ZNF536: variants seen among roughly 807,000 people sequenced by gnomAD.
ZNF536 encodes zinc finger protein 536.
In ZNF536, 13 loss-of-function variants were observed where a neutral mutation model predicts 84.5. That is an observed-to-expected ratio of 0.15 (90% CI 0.10 to 0.24). The LOEUF (loss-of-function observed/expected upper bound fraction) is 0.24. Among genes scored for constraint, ZNF536 ranks in the 10% least tolerant of loss-of-function variants. The pLI, the probability that ZNF536 is intolerant of heterozygous loss-of-function variation, is 1.00. For missense variants in ZNF536, 1,536 were observed against 1,747.5 expected, an observed-to-expected ratio of 0.88 and a Z score of 2.16; for synonymous variants, 811 against 742.5, an observed-to-expected ratio of 1.09 and a Z score of -1.50.
chr19:30,383,705 T>G (rs374587266), intron 1 of ZNF536, among the ~76,000 whole-genome samples: 1 of 46,368 alleles, frequency 2.2e-5, no homozygotes, highest in African/African-American at 6.3e-5. Context: ...TTCTTTCTCT[T>G]TCTTTCTTTC....
intron 2 of ZNF536, among the ~76,000 whole-genome samples, chr19:30,514,523 G>A (rs991219450): frequency 3.3e-5 from 5 of 152,070 alleles, no homozygotes; most frequent in African/African-American, 4.8e-5. Context: ...AAGTAGAAGA[G>A]TGACCAGTAG....
chr19:30,703,305 T>C (rs758541686), intron 1 of ZNF536, among the ~76,000 whole-genome samples: 5 of 152,238 alleles, frequency 3.3e-5, no homozygotes, highest in Non-Finnish European at 5.9e-5. Context: ...GCTCAGAGGC[T>C]CAGATTCCTC....
At chr19:30,676,858 G>A (rs967291946) in intron 1 of ZNF536, among the ~76,000 whole-genome samples, 1 of 152,152 alleles carries the variant, frequency 6.6e-6, no homozygotes. Context: ...TTTCTTTTGA[G>A]ACAAGGGTGG....
At chr19:30,323,097 C>T (rs1419951800) in intron 2 of ZNF536, among the ~76,000 whole-genome samples, 1 of 151,944 alleles carries the variant, frequency 6.6e-6, no homozygotes, top group African/African-American at 2.4e-5. Context: ...CCATGATTTT[C>T]CTAATAAACC....
At chr19:30,487,656 A>G (rs1230015241) in intron 2 of ZNF536, among the ~76,000 whole-genome samples, 2 of 152,190 alleles carry the variant, frequency 1.3e-5, no homozygotes, top group African/African-American at 2.4e-5. Context: ...GCATGTTAAG[A>G]AGGTCAAACT....
intron 1 of ZNF536, among the ~76,000 whole-genome samples, chr19:30,384,098 C>CTT (rs1445807219): frequency 3.1e-4 from 27 of 86,564 alleles, no homozygotes; most frequent in Non-Finnish European, 5.7e-4. Flanking sequence ...CCACCTCTTT[C>CTT]TCTTTCTTTC....
chr19:30,445,653 G>C lies in ZNF536; in HGVS notation c.2091G>C (p.Glu697Asp), dbSNP rs544804864. ...CGGGCTCCTCTAACGTCACCGAGGA[G>C]AGCGGGGTCGGAGGCGGCCTCTCCC... is the stretch of plus-strand genomic sequence containing the variant. ...TTPGSSNVTE[E>D]SGVGGGLSQT... Residue 697 changes from glutamate (E) to aspartate (D), a missense_variant, in exon 2 of 5, where the codon GAG (glutamate) becomes GAC (aspartate). By Grantham distance (45) the Glu-to-Asp change is conservative. Around this residue, in one of 8 missense-constraint regions of ZNF536, gnomAD observed 148 missense variants for 205.4 expected, o/e 0.72. Coordinates refer to ENST00000355537, the MANE Select transcript of ZNF536 (RefSeq NM_014717.3). This position sits in a 1 kb window ranked among gnomAD's most constrained non-coding sequence, Gnocchi z 4.5. 95 of 1,611,544 alleles carry C rather than the reference G, an allele frequency of 5.9e-5. No individual in the cohort carries two copies. Among genetic ancestry groups the C allele is most frequent in the Admixed American group, 1.7e-4 (10 of 59,886 alleles).
intron 2 of ZNF536, among the ~76,000 whole-genome samples, chr19:30,340,073 C>T (rs1158280240): frequency 2.0e-5 from 3 of 152,162 alleles, no homozygotes; most frequent in Non-Finnish European, 4.4e-5. Flanking sequence ...TCTTCCCGCC[C>T]GTCCCAGCTC....
At chr19:30,338,504 A>ATGATGT (rs1475990061) in intron 2 of ZNF536, among the ~76,000 whole-genome samples, 1 of 151,748 alleles carries the variant, frequency 6.6e-6, no homozygotes, top group African/African-American at 2.4e-5. Context: ...GATGATGATG[A>ATGATGT]TGATGATGAT....
intron 1 of ZNF536, among the ~76,000 whole-genome samples, chr19:30,246,396 A>G (rs2024277573): frequency 6.6e-6 from 1 of 152,234 alleles, no homozygotes; most frequent in Non-Finnish European, 1.5e-5. Flanking sequence ...TCTGTCTCAT[A>G]GAATCCTTCT....
At chr19:30,651,196 T>A (rs2049689891) in intron 1 of ZNF536, among the ~76,000 whole-genome samples, 1 of 152,118 alleles carries the variant, frequency 6.6e-6, no homozygotes, top group East Asian at 1.9e-4. Flanking sequence ...CCACCTTCAC[T>A]CCACAGGTAC....
At chr19:30,414,649 C>G (rs959278275) in intron 1 of ZNF536, among the ~76,000 whole-genome samples, 2 of 152,146 alleles carry the variant, frequency 1.3e-5, no homozygotes, top group African/African-American at 4.8e-5. Flanking sequence ...GCCCCATGTC[C>G]TTTGCCTTTC....
At position 30,604,817 on chromosome 19, in the gene ZNF536, A is replaced by C. The variant is rs572817534; in HGVS notation, c.169+55303A>C. Reference sequence around the variant, plus strand: ...GGGCGAGTGACTGGCCTGAGGTTGCACAGCAAGCTCGGGGCAGAGTCAGGA... The same window carrying C: ...GGGCGAGTGACTGGCCTGAGGTTGCCCAGCAAGCTCGGGGCAGAGTCAGGA... On this transcript the variant is annotated intron_variant, in intron 1 of 1. Coordinates refer to the ZNF536 transcript ENST00000592773. Among the ~76,000 whole-genome samples, 35 of 152,302 alleles carry C rather than the reference A, an allele frequency of 2.3e-4. 2 individuals carry two copies. In the South Asian group the frequency reaches 7.3e-3, roughly 32 times the overall value.
chr19:30,649,502 T>C (rs892818240), intron 1 of ZNF536, among the ~76,000 whole-genome samples: 4 of 152,220 alleles, frequency 2.6e-5, no homozygotes, highest in African/African-American at 9.6e-5. Flanking sequence ...TTTTTCCCCT[T>C]TGGGCAAAAT....
intron 2 of ZNF536, among the ~76,000 whole-genome samples, chr19:30,446,812 A>AAACAACAAC (rs141206450): frequency 8.0e-5 from 7 of 87,640 alleles, no homozygotes; most frequent in Non-Finnish European, 1.1e-4. Context: ...AAAAAAACCA[A>AAACAACAAC]AACAACAACA....
chr19:30,502,240 A>G (rs1407132529), intron 2 of ZNF536, among the ~76,000 whole-genome samples: 2 of 152,174 alleles, frequency 1.3e-5, no homozygotes. Flanking sequence ...TGCATGTTGA[A>G]TTGCCTGTCT....
Position 30,320,806 on chromosome 19 carries a change from T to C in ZNF536, c.-119-31562T>C, listed in dbSNP as rs61363070. ...CTCCTCTTCTTGGCTCCCGGGAGAATCAGGGCCTTAAATTCAGTGTGTAAG... is the reference window on the plus strand; with the variant it reads ...CTCCTCTTCTTGGCTCCCGGGAGAACCAGGGCCTTAAATTCAGTGTGTAAG... On this transcript the variant is annotated intron_variant, in intron 2 of 5. Transcript: ENST00000585628. Among the ~76,000 whole-genome samples the C allele has an allele frequency of 9.6e-4, 146 of 152,208 alleles. 1 individual carries two copies. In the East Asian group the frequency reaches 0.021, roughly 22 times the overall value.
chr19:30,348,392 G>C (rs1341635986), intron 2 of ZNF536, among the ~76,000 whole-genome samples: 1 of 152,122 alleles, frequency 6.6e-6, no homozygotes, highest in Non-Finnish European at 1.5e-5. Context: ...GCCTGGGAGA[G>C]GTGCAGGCTA....
rs1031148255 is a variant in ZNF536 at position 30,444,705 on chromosome 19, C to G, written c.1143C>G (p.Arg381=). Residue 381 remains arginine, a synonymous_variant, in exon 2 of 5, where the codon CGC becomes CGG. Coordinates refer to ENST00000355537, the MANE Select transcript of ZNF536 (RefSeq NM_014717.3). ...ACTGCTGCCAGATCTGCGGCCGGCG[C>G]TTCAAGGAGCCCTGGTTCCTCAAGA... is the stretch of plus-strand genomic sequence containing the variant. ...FEHCCQICGR[R]FKEPWFLKNH... The G allele has an allele frequency of 6.2e-7, 1 of 1,613,934 alleles. No homozygotes were observed. Among genetic ancestry groups the G allele is most frequent in the Admixed American group, 1.7e-5 (1 of 60,030 alleles).
Sources: allele counts gnomAD v4.1 joint callset (sites outside exome capture counted in the v4.1 genomes callset), GRCh38; gene constraint gnomAD v4.1.1; regional missense constraint gnomAD v4.1.1; non-coding constraint Gnocchi (gnomAD v3.1); transcripts MANE v1.5; gene names NCBI Gene and HGNC (gene_info 2026-07-23, HGNC 2026-07-21).